The following KHDRBS2 variants were observed in gnomAD, a reference collection of about 807,000 sequenced individuals.
KHDRBS2 encodes the protein KH RNA binding domain containing, signal transduction associated 2.
A neutral mutation model predicts 44.3 loss-of-function variants in KHDRBS2; 26 were observed. The observed-to-expected ratio is 0.59, with a 90% CI of 0.43 to 0.81. KHDRBS2 has a LOEUF of 0.81. Among genes scored for constraint, KHDRBS2 ranks in the 40% least tolerant of loss-of-function variants. KHDRBS2 has a pLI of 0.00. For missense variants in KHDRBS2, 476 were observed against 433.1 expected, an observed-to-expected ratio of 1.10 and a Z score of -0.88; for synonymous variants, 194 against 151.1, an observed-to-expected ratio of 1.28 and a Z score of -2.08.
At chr6:61,814,158 T>C (rs1363048232) in intron 6 of KHDRBS2, 1 of 422,512 alleles carries the variant, frequency 2.4e-6, no homozygotes, top group Non-Finnish European at 4.7e-6. Context: ...CAAACAGATA[T>C]CAAGTGAATT....
intron 7 of KHDRBS2, among the ~76,000 whole-genome samples, chr6:61,697,603 T>C (rs1372172153): frequency 6.6e-6 from 1 of 152,248 alleles, no homozygotes; most frequent in East Asian, 1.9e-4. Context: ...TGGTCAATCA[T>C]GTATAGCTTT....
intron 1 of KHDRBS2, among the ~76,000 whole-genome samples, chr6:62,245,127 C>T (rs964307587): frequency 6.6e-6 from 1 of 152,096 alleles, no homozygotes; most frequent in Admixed American, 6.6e-5. Context: ...AATACTTGAA[C>T]ACAACATGGA....
intron 3 of KHDRBS2, among the ~76,000 whole-genome samples, chr6:62,016,522 C>G (rs1312962888): frequency 1.4e-5 from 2 of 147,852 alleles, no homozygotes; most frequent in Non-Finnish European, 3.0e-5. Flanking sequence ...ATATAAATAC[C>G]TATTTATACA....
the KHDRBS2 span, among the ~76,000 whole-genome samples, chr6:61,638,673 T>G: frequency 6.6e-6 from 1 of 152,178 alleles, no homozygotes; most frequent in Non-Finnish European, 1.5e-5. Flanking sequence ...AGCTGTCATT[T>G]GAAGATCTTT....
intron 1 of KHDRBS2, among the ~76,000 whole-genome samples, chr6:62,253,063 G>A (rs1836803961): frequency 6.6e-6 from 1 of 152,050 alleles, no homozygotes; most frequent in East Asian, 1.9e-4. Context: ...ACCTACCCCA[G>A]AGATTTCTAT....
At chr6:61,560,414 C>T in the KHDRBS2 span, among the ~76,000 whole-genome samples, 1 of 152,094 alleles carries the variant, frequency 6.6e-6, no homozygotes, top group African/African-American at 2.4e-5. Context: ...ATCTCCCTAC[C>T]TTCTCCTTAA....
chr6:62,264,014 C>T (rs951035689), intron 1 of KHDRBS2, among the ~76,000 whole-genome samples: 1 of 151,676 alleles, frequency 6.6e-6, no homozygotes, highest in African/African-American at 2.4e-5. Context: ...CACGGTTTTG[C>T]ACAAAATGCA....
the KHDRBS2 span, among the ~76,000 whole-genome samples, chr6:61,644,791 A>G: frequency 6.6e-6 from 1 of 151,846 alleles, no homozygotes; most frequent in Non-Finnish European, 1.5e-5. Context: ...GGCTATTATT[A>G]AAAAGTCAAA....
chr6:62,021,676 A>C (rs1388706179), intron 3 of KHDRBS2, among the ~76,000 whole-genome samples: 1 of 151,436 alleles, frequency 6.6e-6, no homozygotes, highest in African/African-American at 2.4e-5. Flanking sequence ...AAAATGTGTC[A>C]CTCTATTTTG....
At chr6:62,222,550 G>A (rs1831076876) in intron 1 of KHDRBS2, among the ~76,000 whole-genome samples, 1 of 152,084 alleles carries the variant, frequency 6.6e-6, no homozygotes, top group African/African-American at 2.4e-5. Flanking sequence ...TCTCCCACCA[G>A]GTCCCTCAAA....
chr6:61,952,093 A>G (rs1031399065), intron 4 of KHDRBS2, among the ~76,000 whole-genome samples: 4 of 152,088 alleles, frequency 2.6e-5, no homozygotes, highest in African/African-American at 9.7e-5. Context: ...AATTTGTAAG[A>G]TTGCATAAAT....
chr6:62,218,384 C>T (rs139311956), intron 1 of KHDRBS2, among the ~76,000 whole-genome samples: 26 of 151,890 alleles, frequency 1.7e-4, no homozygotes, highest in African/African-American at 5.5e-4. Context: ...TTTTTAATAA[C>T]AATCTGCAGC....
intron 4 of KHDRBS2, among the ~76,000 whole-genome samples, chr6:61,954,777 T>C (rs1249102025): frequency 1.8e-5 from 2 of 113,764 alleles, no homozygotes; most frequent in Non-Finnish European, 3.8e-5. Context: ...TACATACATA[T>C]GTGTATATAC....
At chr6:61,580,547 G>T in the KHDRBS2 span, among the ~76,000 whole-genome samples, 1 of 152,006 alleles carries the variant, frequency 6.6e-6, no homozygotes, top group Non-Finnish European at 1.5e-5. Context: ...GCTCACTCTG[G>T]GTCTGCACTA....
intron 6 of KHDRBS2, among the ~76,000 whole-genome samples, chr6:61,860,555 C>CT (rs1286121096): frequency 6.6e-6 from 1 of 151,978 alleles, no homozygotes; most frequent in African/African-American, 2.4e-5. Flanking sequence ...TGATCTTGTT[C>CT]TTTTTTATGG....
chr6:62,081,188 T>G (rs1277897080), intron 2 of KHDRBS2, among the ~76,000 whole-genome samples: 1 of 152,100 alleles, frequency 6.6e-6, no homozygotes. Flanking sequence ...GGCTTATATA[T>G]GTAATAGATG....
At chr6:61,987,536 A>G (rs1193112222) in intron 3 of KHDRBS2, among the ~76,000 whole-genome samples, 4 of 152,108 alleles carry the variant, frequency 2.6e-5, no homozygotes, top group Non-Finnish European at 5.9e-5. Context: ...TTTTAACATA[A>G]ATCTTCTTCA....
At chr6:61,851,762 T>C (rs1795457954) in intron 6 of KHDRBS2, among the ~76,000 whole-genome samples, 1 of 152,216 alleles carries the variant, frequency 6.6e-6, no homozygotes, top group Admixed American at 6.6e-5. Context: ...TGAACTATAA[T>C]ACAGATGTGT....
chr6:61,926,664 G>T (rs548740444), intron 4 of KHDRBS2, among the ~76,000 whole-genome samples: 1 of 152,218 alleles, frequency 6.6e-6, no homozygotes, highest in African/African-American at 2.4e-5. Flanking sequence ...CAGGGATTTA[G>T]GATTATTGGT....
Sources: allele counts gnomAD v4.1 joint callset (sites outside exome capture counted in the v4.1 genomes callset), GRCh38; gene constraint gnomAD v4.1.1; transcripts MANE v1.5; gene names NCBI Gene and HGNC (gene_info 2026-07-23, HGNC 2026-07-21).